The following OPCML variants were observed in gnomAD, a reference collection of about 807,000 sequenced individuals.
OPCML encodes opioid-binding protein/cell adhesion molecule.
A neutral mutation model predicts 37.8 loss-of-function variants in OPCML; 13 were observed. The ratio of observed to expected loss-of-function variants is 0.34; its 90% CI spans 0.22 to 0.55. The LOEUF is 0.55. Ranked by LOEUF, OPCML falls within the 20% of genes least tolerant of loss-of-function variation. OPCML has a pLI of 0.91. For missense variants in OPCML, 341 were observed against 435.6 expected (o/e 0.78, Z 1.93); for synonymous variants, 176 against 168.8 (o/e 1.04, Z -0.33).
intron 1 of OPCML, among the ~76,000 whole-genome samples, chr11:133,113,027 C>T (rs182229949): frequency 9.8e-5 from 15 of 152,298 alleles, no homozygotes; most frequent in African/African-American, 2.6e-4. Context: ...AATATATATG[C>T]CCCTTTCATC....
At chr11:132,689,919 GA>G (rs1007834399) in intron 2 of OPCML, among the ~76,000 whole-genome samples, 4 of 152,078 alleles carry the variant, frequency 2.6e-5, no homozygotes, top group Admixed American at 6.5e-5. Context: ...TCATTTATAG[GA>G]AAAAAACTAT....
At chr11:133,498,644 A>G (rs2016127454) in intron 1 of OPCML, among the ~76,000 whole-genome samples, 1 of 152,198 alleles carries the variant, frequency 6.6e-6, no homozygotes, top group Non-Finnish European at 1.5e-5. Flanking sequence ...CTGCAAGACA[A>G]ATGTAGGCAC....
chr11:133,026,271 TA>T, intron 1 of OPCML: 1 of 752,852 alleles, frequency 1.3e-6, no homozygotes, highest in Non-Finnish European at 1.6e-6. Flanking sequence ...TGCATACATG[TA>T]AAAAATGGTC....
At chr11:132,521,406 C>T (rs2096293351) in intron 4 of OPCML, among the ~76,000 whole-genome samples, 3 of 152,112 alleles carry the variant, frequency 2.0e-5, no homozygotes, top group Non-Finnish European at 1.5e-5. Context: ...TCAATTTTGG[C>T]TTTTCTTTCA....
At chr11:133,097,965 A>G (rs1159534789) in intron 1 of OPCML, among the ~76,000 whole-genome samples, 1 of 152,210 alleles carries the variant, frequency 6.6e-6, no homozygotes, top group Admixed American at 6.5e-5. Flanking sequence ...ATTCTCTACA[A>G]TCTCTTTCTG....
intron 1 of OPCML, among the ~76,000 whole-genome samples, chr11:133,083,797 G>A (rs1948777925): frequency 6.6e-6 from 1 of 152,226 alleles, no homozygotes; most frequent in Non-Finnish European, 1.5e-5. Flanking sequence ...GGCTGTGAGC[G>A]CGAGGACAGG....
At chr11:133,466,561 C>G (rs1056628576) in intron 1 of OPCML, among the ~76,000 whole-genome samples, 3 of 152,172 alleles carry the variant, frequency 2.0e-5, no homozygotes, top group Admixed American at 1.3e-4. Context: ...ATAAACCCAA[C>G]AAGACAATTT....
chr11:133,210,954 A>G (rs186859068), intron 1 of OPCML, among the ~76,000 whole-genome samples: 10 of 152,228 alleles, frequency 6.6e-5, no homozygotes, highest in Non-Finnish European at 1.5e-4. Context: ...CAGATTTTTG[A>G]ACATTGCCAT....
intron 1 of OPCML, chr11:133,009,225 A>T: frequency 1.0e-6 from 1 of 985,318 alleles, no homozygotes; most frequent in Non-Finnish European, 1.2e-6. Context: ...ATCTCAGGGA[A>T]CTTCAAGTGT....
At chr11:133,073,391 C>G (rs1948573140) in intron 1 of OPCML, among the ~76,000 whole-genome samples, 1 of 152,220 alleles carries the variant, frequency 6.6e-6, no homozygotes, top group African/African-American at 2.4e-5. Flanking sequence ...GGTGGATTTC[C>G]ATGGACCAGC....
At chr11:132,931,063 G>A (rs1004570912) in intron 2 of OPCML, among the ~76,000 whole-genome samples, 3 of 151,974 alleles carry the variant, frequency 2.0e-5, no homozygotes, top group Admixed American at 1.3e-4. Flanking sequence ...ATTCAGTGGG[G>A]AGAGGACAGT....
chr11:132,968,779 T>A (rs76476436), intron 1 of OPCML, among the ~76,000 whole-genome samples: 3,127 of 152,326 alleles, frequency 0.021, 73 homozygotes, highest in African/African-American at 0.051. Context: ...TCAGATTTTG[T>A]ATATGGACTA....
chr11:132,672,054 A>G (rs1291724209), intron 2 of OPCML, among the ~76,000 whole-genome samples: 1 of 152,110 alleles, frequency 6.6e-6, no homozygotes, highest in Non-Finnish European at 1.5e-5. Flanking sequence ...TTGGCACTCA[A>G]CAGATCTGCT....
intron 4 of OPCML, among the ~76,000 whole-genome samples, chr11:132,504,267 A>G (rs2096251723): frequency 6.6e-6 from 1 of 152,198 alleles, no homozygotes; most frequent in Non-Finnish European, 1.5e-5. Context: ...ACACGCCTCC[A>G]TAGCTATCTT....
intron 4 of OPCML, among the ~76,000 whole-genome samples, chr11:132,441,259 C>G (rs2096033600): frequency 7.0e-6 from 1 of 142,324 alleles, no homozygotes; most frequent in South Asian, 2.3e-4. Context: ...GCTCCGCCTC[C>G]CGGGTTCACG....
chr11:132,724,517 G>C (rs1034325908), intron 2 of OPCML, among the ~76,000 whole-genome samples: 1 of 151,966 alleles, frequency 6.6e-6, no homozygotes, highest in Non-Finnish European at 1.5e-5. Context: ...TTTGGGTGGG[G>C]ACACAGCCAA....
chr11:132,747,825 C>T (rs932634845), intron 2 of OPCML, among the ~76,000 whole-genome samples: 13 of 152,248 alleles, frequency 8.5e-5, no homozygotes, highest in African/African-American at 2.2e-4. Flanking sequence ...GTTTTGGCGA[C>T]GTAGTGTATA....
chr11:132,933,703 A>G (rs1316145015), intron 2 of OPCML, among the ~76,000 whole-genome samples: 4 of 152,220 alleles, frequency 2.6e-5, no homozygotes, highest in African/African-American at 7.2e-5. Context: ...ATTCTGTTGG[A>G]CACTGAGAAT....
rs761168349 is a variant in OPCML, at chr11:133,047,156, G to A, written c.62-104146C>T. On this transcript the variant is annotated intron_variant, in intron 1 of 7. Coordinates refer to ENST00000524381, the MANE Select transcript of OPCML (RefSeq NM_001012393.5). Reference sequence around the variant, plus strand: ...GAACAAAATCTGAACATGGCTTCACGTGGCCCCGTGTGGAAATATGTGTCA... The same window carrying A: ...GAACAAAATCTGAACATGGCTTCACATGGCCCCGTGTGGAAATATGTGTCA... Among the ~76,000 whole-genome samples the A allele has an allele frequency of 2.0e-5, 3 of 152,168 alleles. No individual in the cohort carries two copies. The East Asian group carries it at 5.8e-4, about 29-fold the overall frequency.
Sources: gnomAD v4.1 joint callset for allele counts (sites outside exome capture counted in the v4.1 genomes callset) on GRCh38, gnomAD v4.1.1 for gene constraint, MANE v1.5 for transcripts, NCBI Gene and HGNC (gene_info 2026-07-23, HGNC 2026-07-21) for gene names.